ACVR2A: variants seen among roughly 807,000 people sequenced by gnomAD.
ACVR2A encodes activin A receptor type 2A.
In ACVR2A, 7 loss-of-function variants were observed where a neutral mutation model predicts 61.4. That is an observed-to-expected ratio of 0.11 (90% CI 0.06 to 0.21). ACVR2A has a LOEUF of 0.21. ACVR2A is among the 10% of genes least tolerant of loss of function. The pLI is 1.00. For missense variants in ACVR2A, 322 were observed against 621.7 expected, an observed-to-expected ratio of 0.52 and a Z score of 5.13; for synonymous variants, 193 against 208.3, an observed-to-expected ratio of 0.93 and a Z score of 0.63.
At chr2:147,851,989 AT>A (rs1283300332) in intron 1 of ACVR2A, among the ~76,000 whole-genome samples, 2 of 152,066 alleles carry the variant, frequency 1.3e-5, no homozygotes, top group Non-Finnish European at 2.9e-5. Flanking sequence ...TTATGGTTCT[AT>A]AATTTTAAGG....
At chr2:147,846,380 T>C (rs1685313957) in intron 1 of ACVR2A, among the ~76,000 whole-genome samples, 1 of 151,584 alleles carries the variant, frequency 6.6e-6, no homozygotes, top group Non-Finnish European at 1.5e-5. Context: ...TGTACCTCTG[T>C]GGGGTGTGTG....
intron 1 of ACVR2A, chr2:147,877,443 A>T (rs968237719): frequency 6.6e-6 from 1 of 152,216 alleles, no homozygotes; most frequent in African/African-American, 2.4e-5. Context: ...GGCAGCACAT[A>T]TACTAATATC....
In ACVR2A at chr2:147,906,071, A is replaced by G. The variant is rs560247124; in HGVS notation, c.528+6173A>G. Among the ~76,000 whole-genome samples the G allele has an allele frequency of 3.3e-5, 5 of 152,228 alleles. No homozygotes were observed. In the East Asian group the frequency reaches 7.7e-4, roughly 24 times the overall value. ...TATAATTTATCCTCCTTCTCTGGCAAGGAGATGTGTATTTAGGAGGAAGTG... is the reference window on the plus strand; with the variant it reads ...TATAATTTATCCTCCTTCTCTGGCAGGGAGATGTGTATTTAGGAGGAAGTG... On this transcript the variant is annotated intron_variant, in intron 4 of 10. Transcript: ENST00000241416.
intron 1 of ACVR2A, among the ~76,000 whole-genome samples, chr2:147,867,857 A>G (rs1435104538): frequency 6.6e-6 from 1 of 151,906 alleles, no homozygotes; most frequent in Admixed American, 6.6e-5. Context: ...ATCTTACAAC[A>G]CTAGAAGACT....
chr2:147,863,890 T>C (rs1449558478), intron 1 of ACVR2A, among the ~76,000 whole-genome samples: 6 of 152,194 alleles, frequency 3.9e-5, no homozygotes, highest in Non-Finnish European at 8.8e-5. Context: ...ACTTGAGTAA[T>C]TAGAGAATCA....
chr2:147,915,083 A>G (rs1687217871), intron 4 of ACVR2A, 108 bp from the exon 5 acceptor site: 1 of 992,604 alleles, frequency 1.0e-6, no homozygotes, highest in Admixed American at 2.2e-5. Context: ...ATATGTGTTT[A>G]CTGTTTCTGT....
At chr2:147,903,331 C>T (rs1044713146) in intron 4 of ACVR2A, among the ~76,000 whole-genome samples, 2 of 151,136 alleles carry the variant, frequency 1.3e-5, no homozygotes. Flanking sequence ...GGATGAAAGC[C>T]TTGGAGACAA....
intron 1 of ACVR2A, among the ~76,000 whole-genome samples, chr2:147,858,111 C>T (rs1348373296): frequency 6.6e-6 from 1 of 152,150 alleles, no homozygotes; most frequent in African/African-American, 2.4e-5. Flanking sequence ...CTTCCAGCTC[C>T]ATCCATGTCC....
intron 1 of ACVR2A, among the ~76,000 whole-genome samples, chr2:147,869,388 C>A (rs1256750062): frequency 6.6e-6 from 1 of 152,038 alleles, no homozygotes; most frequent in Non-Finnish European, 1.5e-5. Context: ...AGCCAATAAT[C>A]TAGTTTATGA....
chr2:147,890,545 A>G (rs1485287392), intron 1 of ACVR2A, among the ~76,000 whole-genome samples: 1 of 152,212 alleles, frequency 6.6e-6, no homozygotes, highest in African/African-American at 2.4e-5. Flanking sequence ...GATGCACATC[A>G]TTGGTTAAGA....
intron 1 of ACVR2A, among the ~76,000 whole-genome samples, chr2:147,880,396 T>G (rs967507803): frequency 1.3e-5 from 2 of 152,158 alleles, no homozygotes; most frequent in African/African-American, 4.8e-5. Flanking sequence ...TATTTCTTTA[T>G]TAATCTTTTT....
At chr2:147,866,573 T>C (rs1170929400) in intron 1 of ACVR2A, among the ~76,000 whole-genome samples, 2 of 152,122 alleles carry the variant, frequency 1.3e-5, no homozygotes, top group African/African-American at 4.8e-5. Flanking sequence ...TTCAGGACAC[T>C]GAGATCTTAA....
chr2:147,884,310 G>A (rs1317942085), intron 1 of ACVR2A, among the ~76,000 whole-genome samples: 4 of 152,066 alleles, frequency 2.6e-5, no homozygotes, highest in Admixed American at 1.3e-4. Flanking sequence ...GTATTTACTT[G>A]TACCTGTTTT....
intron 1 of ACVR2A, among the ~76,000 whole-genome samples, chr2:147,871,151 G>C (rs1410508499): frequency 6.6e-6 from 1 of 151,854 alleles, no homozygotes; most frequent in East Asian, 1.9e-4. Flanking sequence ...CCTGTCCTGT[G>C]CCTAGAGCTC....
chr2:147,878,340 C>T (rs770877183), intron 1 of ACVR2A, among the ~76,000 whole-genome samples: 3 of 152,030 alleles, frequency 2.0e-5, no homozygotes, highest in South Asian at 2.1e-4. Context: ...ATAGTACTTA[C>T]GTAAGCCAGT....
At chr2:147,921,671 G>A (rs1167675051) in intron 8 of ACVR2A, among the ~76,000 whole-genome samples, 1 of 152,112 alleles carries the variant, frequency 6.6e-6, no homozygotes, top group African/African-American at 2.4e-5. Context: ...CCAAGATTGT[G>A]TAGGAAGCCT....
chr2:147,892,008 G>A (rs1686598581), intron 1 of ACVR2A, among the ~76,000 whole-genome samples: 1 of 151,658 alleles, frequency 6.6e-6, no homozygotes, highest in Non-Finnish European at 1.5e-5. Flanking sequence ...GTCTCTTTCT[G>A]TTGCCCAGGC....
At chr2:147,875,473 C>T (rs1686130646) in intron 1 of ACVR2A, among the ~76,000 whole-genome samples, 1 of 151,928 alleles carries the variant, frequency 6.6e-6, no homozygotes, top group Non-Finnish European at 1.5e-5. Flanking sequence ...CTAATAGAAT[C>T]TCTTTTTTCC....
intron 2 of ACVR2A, among the ~76,000 whole-genome samples, chr2:147,898,938 G>A (rs1686809312): frequency 6.6e-6 from 1 of 151,946 alleles, no homozygotes; most frequent in Admixed American, 6.6e-5. Flanking sequence ...AGCCTAGTTT[G>A]GGTTTCTGAT....
Sources: gnomAD v4.1 joint callset for allele counts (sites outside exome capture counted in the v4.1 genomes callset) on GRCh38, gnomAD v4.1.1 for gene constraint, MANE v1.5 for transcripts, NCBI Gene and HGNC (gene_info 2026-07-23, HGNC 2026-07-21) for gene names.